The following AUTS2 variants were observed in gnomAD, a reference collection of about 807,000 sequenced individuals.
AUTS2 encodes autism susceptibility gene 2 protein.
A neutral mutation model predicts 112.4 loss-of-function variants in AUTS2; 17 were observed. That is an observed-to-expected ratio of 0.15 (90% CI 0.10 to 0.23). The LOEUF is 0.23. Ranked by LOEUF, AUTS2 falls within the 10% of genes least tolerant of loss-of-function variation. The probability of loss-of-function intolerance (pLI) is 1.00; values close to 1 mark genes in which losing one functional copy is unlikely to be tolerated. For missense variants in AUTS2, 1,510 were observed against 1,701.6 expected (o/e 0.89, Z 1.98); for synonymous variants, 751 against 702.7 (o/e 1.07, Z -1.09).
At chr7:69,915,124 G>T (rs1247066664) in intron 2 of AUTS2, among the ~76,000 whole-genome samples, 1 of 152,192 alleles carries the variant, frequency 6.6e-6, no homozygotes, top group Non-Finnish European at 1.5e-5. Context: ...AAGTGAGGCT[G>T]AGGCTGGCAG....
chr7:70,238,523 T>C (rs1812442752), intron 4 of AUTS2, among the ~76,000 whole-genome samples: 2 of 152,210 alleles, frequency 1.3e-5, no homozygotes, highest in Non-Finnish European at 2.9e-5. Context: ...TTAAGAGTTC[T>C]CTAGATCTCA....
intron 4 of AUTS2, among the ~76,000 whole-genome samples, chr7:70,383,829 C>T (rs547232775): frequency 6.6e-6 from 1 of 152,328 alleles, no homozygotes; most frequent in South Asian, 2.1e-4. Context: ...CCTTTCTCTG[C>T]AAAGTGGGAT....
intron 1 of AUTS2, among the ~76,000 whole-genome samples, chr7:69,675,369 C>T (rs1184164652): frequency 6.6e-6 from 1 of 152,088 alleles, no homozygotes; most frequent in Non-Finnish European, 1.5e-5. Context: ...TATTTTGTCT[C>T]CAGGACTAGT....
chr7:70,037,020 T>A (rs1462993194), intron 2 of AUTS2, among the ~76,000 whole-genome samples: 2 of 152,168 alleles, frequency 1.3e-5, no homozygotes, highest in Admixed American at 1.3e-4. Context: ...TTTAAAAAAA[T>A]AATTATATTT....
chr7:70,405,992 C>A (rs1321280656), intron 4 of AUTS2, among the ~76,000 whole-genome samples: 1 of 152,038 alleles, frequency 6.6e-6, no homozygotes, highest in Non-Finnish European at 1.5e-5. Flanking sequence ...GTGGTATTGG[C>A]AATTCATGGT....
intron 1 of AUTS2, among the ~76,000 whole-genome samples, chr7:69,601,165 C>CT (rs1403033801): frequency 6.6e-6 from 1 of 152,074 alleles, no homozygotes; most frequent in African/African-American, 2.4e-5. Context: ...ACACAGAAGG[C>CT]TTTGAGATTC....
chr7:70,528,313 G>A (rs1799942473), intron 5 of AUTS2, among the ~76,000 whole-genome samples: 1 of 151,916 alleles, frequency 6.6e-6, no homozygotes, highest in African/African-American at 2.4e-5. Flanking sequence ...CCCAGGTAAT[G>A]GAAAGCCCTG....
In AUTS2 at chr7:70,440,592, G is replaced by T. The variant is rs191179198; in HGVS notation, c.690+4811G>T. On this transcript the variant is annotated intron_variant, in intron 5 of 18. Coordinates refer to ENST00000342771, the MANE Select transcript of AUTS2 (RefSeq NM_015570.4). ...GTTCTTCTAGAGAACCTGCTAGAGG[G>T]TTTCCCCAGAATCTGAGGCTCAGCC... Among the ~76,000 whole-genome samples the T allele has an allele frequency of 5.9e-5, 9 of 152,236 alleles. No homozygotes were observed. The East Asian group carries it at 1.4e-3, about 23-fold the overall frequency.
chr7:70,337,912 G>C (rs540741674), intron 4 of AUTS2, among the ~76,000 whole-genome samples: 1 of 152,168 alleles, frequency 6.6e-6, no homozygotes, highest in Non-Finnish European at 1.5e-5. Context: ...TTGCAGTGTA[G>C]TGTGACTCAA....
intron 5 of AUTS2, among the ~76,000 whole-genome samples, chr7:70,506,271 C>T (rs1341464613): frequency 6.6e-6 from 1 of 152,170 alleles, no homozygotes; most frequent in Non-Finnish European, 1.5e-5. Flanking sequence ...GCCCGAACAG[C>T]AGTAGCGAGG....
chr7:70,431,107 T>G (rs55815007), intron 4 of AUTS2, among the ~76,000 whole-genome samples: 37,792 of 151,834 alleles, frequency 0.25, 5,264 homozygotes, highest in African/African-American at 0.37. Flanking sequence ...AAAGTGCTGG[T>G]ATTACAGGCG....
intron 4 of AUTS2, among the ~76,000 whole-genome samples, chr7:70,189,532 G>A (rs951892387): frequency 1.3e-5 from 2 of 152,208 alleles, no homozygotes; most frequent in Non-Finnish European, 2.9e-5. Flanking sequence ...AAAGCTTGGT[G>A]CTAGATTAAT....
At chr7:70,294,819 C>T (rs944843536) in intron 4 of AUTS2, among the ~76,000 whole-genome samples, 9 of 152,154 alleles carry the variant, frequency 5.9e-5, no homozygotes, top group Admixed American at 2.0e-4. Context: ...TTCCCTTCTC[C>T]GTTAAATAGG....
chr7:70,310,133 CTTTT>C (rs5884778), intron 4 of AUTS2, among the ~76,000 whole-genome samples: 2 of 139,850 alleles, frequency 1.4e-5, no homozygotes, highest in African/African-American at 2.6e-5. Flanking sequence ...CAAACTAAAT[CTTTT>C]TTTTTTTTTT....
intron 4 of AUTS2, among the ~76,000 whole-genome samples, chr7:70,335,651 G>A (rs1294732039): frequency 1.3e-5 from 2 of 152,212 alleles, no homozygotes; most frequent in Admixed American, 6.5e-5. Context: ...GGAGGTGACA[G>A]TGAGGCGTCT....
intron 2 of AUTS2, among the ~76,000 whole-genome samples, chr7:70,037,401 C>A (rs1342376984): frequency 6.6e-6 from 1 of 152,088 alleles, no homozygotes; most frequent in African/African-American, 2.4e-5. Context: ...TTGCCACAGG[C>A]AGGAAAAGTA....
chr7:70,465,756 A>G (rs1471619506), intron 5 of AUTS2, among the ~76,000 whole-genome samples: 2 of 152,168 alleles, frequency 1.3e-5, no homozygotes, highest in Admixed American at 6.5e-5. Context: ...GTTCTTCTCC[A>G]GCAGTGCAAA....
At chr7:70,036,750 A>T (rs974387182) in intron 2 of AUTS2, among the ~76,000 whole-genome samples, 1 of 152,248 alleles carries the variant, frequency 6.6e-6, no homozygotes, top group Non-Finnish European at 1.5e-5. Flanking sequence ...CTCTGCCAGC[A>T]GGAATTCCGA....
intron 5 of AUTS2, among the ~76,000 whole-genome samples, chr7:70,620,757 G>A (rs1585390820): frequency 6.6e-6 from 1 of 152,120 alleles, no homozygotes; most frequent in East Asian, 1.9e-4. Context: ...AACTCCACTG[G>A]GCTCCATTTC....
Sources: gnomAD v4.1 joint callset for allele counts (sites outside exome capture counted in the v4.1 genomes callset) on GRCh38, gnomAD v4.1.1 for gene constraint, MANE v1.5 for transcripts, NCBI Gene and HGNC (gene_info 2026-07-23, HGNC 2026-07-21) for gene names.